The following STEAP1B variants were observed in gnomAD, a reference collection of about 807,000 sequenced individuals.
STEAP1B encodes the protein STEAP family protein MGC87042.
A neutral mutation model predicts 27.9 loss-of-function variants in STEAP1B; 13 were observed. That is an observed-to-expected ratio of 0.47 (90% CI 0.30 to 0.74). The LOEUF is 0.74. STEAP1B is among the 30% of genes least tolerant of loss of function. STEAP1B has a pLI of 0.06. For missense variants in STEAP1B, 250 were observed against 298.7 expected, an observed-to-expected ratio of 0.84 and a Z score of 1.20; for synonymous variants, 86 against 107.1, an observed-to-expected ratio of 0.80 and a Z score of 1.22.
At chr7:22,440,568 T>C (rs896303804) in intron 4 of STEAP1B, among the ~76,000 whole-genome samples, 11 of 152,220 alleles carry the variant, frequency 7.2e-5, no homozygotes, top group African/African-American at 2.4e-4. Flanking sequence ...GCATTTGCTC[T>C]TAGCTTACTA....
intron 4 of STEAP1B, among the ~76,000 whole-genome samples, chr7:22,486,108 C>T (rs1303966305): frequency 6.6e-6 from 1 of 152,210 alleles, no homozygotes; most frequent in African/African-American, 2.4e-5. Flanking sequence ...AGACCAATTA[C>T]AGCAGAATCC....
At chr7:22,448,123 C>G (rs1212430209) in intron 4 of STEAP1B, among the ~76,000 whole-genome samples, 1 of 152,224 alleles carries the variant, frequency 6.6e-6, no homozygotes, top group African/African-American at 2.4e-5. Flanking sequence ...ACTCTCATAT[C>G]TCCTAAAACA....
intron 4 of STEAP1B, among the ~76,000 whole-genome samples, chr7:22,443,120 G>C (rs879871359): frequency 6.6e-6 from 1 of 152,092 alleles, no homozygotes; most frequent in East Asian, 1.9e-4. Context: ...TCCTAATCCT[G>C]CTTCCTCCTC....
intron 4 of STEAP1B, among the ~76,000 whole-genome samples, chr7:22,454,832 T>TATATATATAAATATAA (rs1785546408): frequency 1.9e-4 from 5 of 26,830 alleles, no homozygotes; most frequent in Non-Finnish European, 3.4e-4. Context: ...AAATATTATA[T>TATATATATAAATATAA]ATATATATAT....
At chr7:22,461,690 T>C (rs1785681528) in intron 4 of STEAP1B, among the ~76,000 whole-genome samples, 1 of 152,224 alleles carries the variant, frequency 6.6e-6, no homozygotes, top group African/African-American at 2.4e-5. Flanking sequence ...CCATGTGCTC[T>C]CTTTTCCACT....
chr7:22,427,943 T>C (rs1301677786), intron 4 of STEAP1B, among the ~76,000 whole-genome samples: 3 of 152,232 alleles, frequency 2.0e-5, no homozygotes, highest in South Asian at 4.1e-4. Context: ...GGAGGCAAAT[T>C]CTGACACTTT....
intron 4 of STEAP1B, among the ~76,000 whole-genome samples, chr7:22,443,987 G>C (rs1030075305): frequency 6.6e-6 from 1 of 152,188 alleles, no homozygotes; most frequent in Non-Finnish European, 1.5e-5. Context: ...CACTGCCCTG[G>C]TTTCTCCACA....
rs186888506 is a variant in STEAP1B at position 22,493,352 on chromosome 7, T to A, written c.569A>T (p.Tyr190Phe). ...TTGATATGCCCAGTTTAGCAACTTG[T>A]ATCTGTAGGATCGCCTCATTGCGTA... ...LSYAMRRSYR[Y>F]KLLNWAYQQV... is the part of the protein sequence containing the mutation. The change falls in exon 3 of 5, where the codon TAC (tyrosine) becomes TTC (phenylalanine). Residue 190 changes from tyrosine (Y) to phenylalanine (F), a missense_variant. Tyr to Phe is a conservative substitution (Grantham distance 22). Transcript: ENST00000678116. 2,741 of 1,612,798 alleles carry A rather than the reference T, an allele frequency of 1.7e-3. 6 individuals are homozygous for A. Among genetic ancestry groups the A allele is most frequent in the Non-Finnish European group, 1.6e-3 (1,931 of 1,179,610 alleles).
chr7:22,481,649 G>A (rs746263360), intron 4 of STEAP1B, among the ~76,000 whole-genome samples: 5 of 152,168 alleles, frequency 3.3e-5, no homozygotes, highest in Admixed American at 6.5e-5. Flanking sequence ...GCCCTGTGAT[G>A]AATTATTTTG....
At chr7:22,429,365 G>T (rs1311775822) in intron 4 of STEAP1B, among the ~76,000 whole-genome samples, 1 of 152,182 alleles carries the variant, frequency 6.6e-6, no homozygotes, top group Non-Finnish European at 1.5e-5. Context: ...AGAGCTACTT[G>T]TATCAACATG....
At chr7:22,449,854 G>A (rs941538911) in intron 4 of STEAP1B, among the ~76,000 whole-genome samples, 1 of 152,182 alleles carries the variant, frequency 6.6e-6, no homozygotes, top group Admixed American at 6.5e-5. Flanking sequence ...GGGGTGAGAT[G>A]ACATCTCATT....
intron 4 of STEAP1B, among the ~76,000 whole-genome samples, chr7:22,436,430 AGTTCAC>A (rs1336619888): frequency 1.3e-5 from 2 of 151,794 alleles, no homozygotes; most frequent in Non-Finnish European, 2.9e-5. Context: ...TTTAAATTTA[AGTTCAC>A]GGTCACATGT....
intron 4 of STEAP1B, among the ~76,000 whole-genome samples, chr7:22,424,697 A>G (rs1785084514): frequency 6.6e-6 from 1 of 152,176 alleles, no homozygotes; most frequent in Non-Finnish European, 1.5e-5. Context: ...AGAGATGTTC[A>G]ATTGAGGAGT....
At chr7:22,424,723 T>A (rs1389493557) in intron 4 of STEAP1B, among the ~76,000 whole-genome samples, 1 of 152,062 alleles carries the variant, frequency 6.6e-6, no homozygotes, top group African/African-American at 2.4e-5. Context: ...TAATAATAAA[T>A]AATAGGGAAC....
chr7:22,435,381 C>T (rs540622748), intron 4 of STEAP1B, among the ~76,000 whole-genome samples: 3 of 152,052 alleles, frequency 2.0e-5, no homozygotes, highest in South Asian at 2.1e-4. Context: ...AGGGACAGCA[C>T]GAAGCTGGTG....
At chr7:22,439,796 T>C (rs1231695310) in intron 4 of STEAP1B, among the ~76,000 whole-genome samples, 1 of 152,166 alleles carries the variant, frequency 6.6e-6, no homozygotes, top group Non-Finnish European at 1.5e-5. Flanking sequence ...ATAAGGTAAC[T>C]ATAGTATGAA....
At chr7:22,499,816 AACTT>A (rs1004131815) in intron 1 of STEAP1B, among the ~76,000 whole-genome samples, 3 of 152,208 alleles carry the variant, frequency 2.0e-5, no homozygotes, top group Non-Finnish European at 4.4e-5. Flanking sequence ...CCTGAGCACA[AACTT>A]AATAATCTAC....
intron 4 of STEAP1B, among the ~76,000 whole-genome samples, chr7:22,434,044 C>T (rs745707336): frequency 6.6e-5 from 10 of 152,220 alleles, no homozygotes; most frequent in Non-Finnish European, 1.0e-4. Flanking sequence ...AACAGCTGTT[C>T]TAACCACGTA....
At chr7:22,428,238 T>C (rs1301402093) in intron 4 of STEAP1B, among the ~76,000 whole-genome samples, 1 of 152,130 alleles carries the variant, frequency 6.6e-6, no homozygotes, top group African/African-American at 2.4e-5. Context: ...TGAGAGAGTG[T>C]CTAGGGAGCA....
Sources: gnomAD v4.1 joint callset for allele counts (sites outside exome capture counted in the v4.1 genomes callset) on GRCh38, gnomAD v4.1.1 for gene constraint, MANE v1.5 for transcripts, NCBI Gene and HGNC (gene_info 2026-07-23, HGNC 2026-07-21) for gene names.